ZNF431: variants seen among roughly 807,000 people sequenced by gnomAD.
ZNF431 encodes zinc finger protein 431.
In ZNF431, 34 loss-of-function variants were observed where a neutral mutation model predicts 57.0. The ratio of observed to expected loss-of-function variants is 0.60; its 90% CI spans 0.45 to 0.79. ZNF431 has a LOEUF of 0.79. Among genes scored for constraint, ZNF431 ranks in the 30% least tolerant of loss-of-function variants. ZNF431 has a pLI of 0.00. For missense variants in ZNF431, 607 were observed against 667.1 expected, an observed-to-expected ratio of 0.91 and a Z score of 0.99; for synonymous variants, 207 against 220.3, an observed-to-expected ratio of 0.94 and a Z score of 0.54.
chr19:21,154,867 G>A (rs1350013202), intron 2 of ZNF431, among the ~76,000 whole-genome samples: 1 of 115,014 alleles, frequency 8.7e-6, no homozygotes. Flanking sequence ...TGATGGGGTT[G>A]TTTGTTTTTT....
chr19:21,166,825 T>C (rs555250003), intron 3 of ZNF431, among the ~76,000 whole-genome samples: 89 of 152,352 alleles, frequency 5.8e-4, no homozygotes, highest in Non-Finnish European at 1.0e-3. Context: ...TAGTTAGAGA[T>C]GTCTCTCTTT....
Position 21,185,508 on chromosome 19 carries a change from T to G in ZNF431, c.*1474T>G, listed in dbSNP as rs2145061252. 6.6e-6 allele frequency: 1 copy of G among 152,420 alleles called. No homozygotes were observed. The highest frequency in any genetic ancestry group is 2.1e-4 in the South Asian group (1 of 4,834). The allele number at this position is 152,420 out of a possible 1,614,324, so 9.4% of individuals were successfully genotyped here. A position where few individuals can be genotyped will look rare whatever the true frequency, so the allele number is the denominator to read the frequency against. On this transcript the variant is annotated 3_prime_UTR_variant, in exon 5 of 5. Coordinates refer to ENST00000311048, the MANE Select transcript of ZNF431 (RefSeq NM_133473.4). ...CTGAGTTTCACTCTTTCGCCCAGGC[T>G]GGAGTGCATTGGCATGATCTCAGCT...
At chr19:21,146,137 A>G (rs1970087254) in intron 2 of ZNF431, among the ~76,000 whole-genome samples, 1 of 152,172 alleles carries the variant, frequency 6.6e-6, no homozygotes, top group African/African-American at 2.4e-5. Flanking sequence ...TTGCTCAAGA[A>G]AAAATTCAGG....
chr19:21,165,375 A>G (rs1233517361), intron 2 of ZNF431, among the ~76,000 whole-genome samples: 1 of 152,084 alleles, frequency 6.6e-6, no homozygotes, highest in Non-Finnish European at 1.5e-5. Context: ...AGTGCTAAAG[A>G]AAGACTACTT....
intron 2 of ZNF431, among the ~76,000 whole-genome samples, chr19:21,159,767 G>A (rs1970521941): frequency 6.6e-6 from 1 of 152,102 alleles, no homozygotes; most frequent in South Asian, 2.1e-4. Flanking sequence ...TGTACATCAG[G>A]TAGAATTCAC....
At chr19:21,146,409 G>A (rs1599572841) in intron 2 of ZNF431, among the ~76,000 whole-genome samples, 4 of 108,722 alleles carry the variant, frequency 3.7e-5, no homozygotes, top group African/African-American at 6.9e-5. Flanking sequence ...CACTCTGTCT[G>A]AAAAAAAAAA....
chr19:21,157,446 C>G (rs892336535), intron 2 of ZNF431, among the ~76,000 whole-genome samples: 12 of 152,078 alleles, frequency 7.9e-5, no homozygotes, highest in Admixed American at 7.9e-4. Context: ...TTGCATTTCT[C>G]TAGTGATTAG....
At chr19:21,148,031 C>T (rs1463122699) in intron 2 of ZNF431, among the ~76,000 whole-genome samples, 1 of 151,714 alleles carries the variant, frequency 6.6e-6, no homozygotes, top group Admixed American at 6.6e-5. Context: ...AGTCTCGCCC[C>T]GTTGCCTAGG....
In ZNF431 at chr19:21,188,270, A is replaced by AAG. The variant is rs1971426080; in HGVS notation, c.*4237_*4238insGA. 1 of 151,434 alleles carries AAG rather than the reference A, an allele frequency of 6.6e-6. No individual in the cohort carries two copies. The highest frequency in any genetic ancestry group is 2.4e-5 in the African/African-American group (1 of 41,346). 9.4% of individuals were successfully genotyped at this position (151,434 alleles called of 1,614,324 possible). A position where few individuals can be genotyped will look rare whatever the true frequency, so the allele number is the denominator to read the frequency against. ...CGAAATTCTGTCTAAAAAAAAAAAA[A>AAG]AAAGATAAAAGGTGCAATACTGTCC... On this transcript the variant is annotated 3_prime_UTR_variant, in exon 5 of 5. Transcript: ENST00000311048.
intron 2 of ZNF431, among the ~76,000 whole-genome samples, chr19:21,159,017 T>C (rs1970500920): frequency 6.6e-6 from 1 of 152,250 alleles, no homozygotes; most frequent in South Asian, 2.1e-4. Context: ...TTGAGGGTTT[T>C]AAGCATGAAG....
chr19:21,175,035 G>T (rs189234481), intron 4 of ZNF431, among the ~76,000 whole-genome samples: 133 of 151,746 alleles, frequency 8.8e-4, no homozygotes, highest in African/African-American at 2.9e-3. Flanking sequence ...GGGATTACAG[G>T]CATGAGCCGC....
At chr19:21,154,129 C>T (rs540205279) in intron 2 of ZNF431, among the ~76,000 whole-genome samples, 2 of 152,220 alleles carry the variant, frequency 1.3e-5, no homozygotes, top group South Asian at 2.1e-4. Flanking sequence ...CCCATTAACT[C>T]GTCATTTAAC....
At chr19:21,176,058 T>G (rs1971042961) in intron 4 of ZNF431, among the ~76,000 whole-genome samples, 1 of 152,220 alleles carries the variant, frequency 6.6e-6, no homozygotes, top group Non-Finnish European at 1.5e-5. Flanking sequence ...TAACAGTATT[T>G]CTATTTCTCC....
intron 4 of ZNF431, among the ~76,000 whole-genome samples, chr19:21,167,915 A>G (rs1451160173): frequency 1.3e-5 from 2 of 152,194 alleles, no homozygotes; most frequent in Non-Finnish European, 2.9e-5. Context: ...GAGCCAAAGC[A>G]TATTGTCATA....
chr19:21,153,101 CTT>C (rs1970320360), intron 2 of ZNF431, among the ~76,000 whole-genome samples: 1 of 152,214 alleles, frequency 6.6e-6, no homozygotes, highest in African/African-American at 2.4e-5. Flanking sequence ...TTTAAGATAA[CTT>C]CCAGACATTG....
chr19:21,147,452 T>G (rs1182312113), intron 2 of ZNF431, among the ~76,000 whole-genome samples: 5 of 151,846 alleles, frequency 3.3e-5, no homozygotes. Context: ...ATTGCATCAT[T>G]ACACTCCAGC....
At chr19:21,158,640 T>C (rs750120594) in intron 2 of ZNF431, among the ~76,000 whole-genome samples, 65 of 152,314 alleles carry the variant, frequency 4.3e-4, no homozygotes, top group Admixed American at 7.8e-4. Context: ...TTGGCTTGGA[T>C]GTTGTTGATG....
At chr19:21,173,184 A>T (rs1970956174) in intron 4 of ZNF431, among the ~76,000 whole-genome samples, 1 of 152,144 alleles carries the variant, frequency 6.6e-6, no homozygotes, top group Admixed American at 6.5e-5. Context: ...TGTGTTTATA[A>T]ATTAAGAGAC....
intron 2 of ZNF431, among the ~76,000 whole-genome samples, chr19:21,148,142 A>G (rs1331887938): frequency 6.6e-6 from 1 of 151,930 alleles, no homozygotes; most frequent in African/African-American, 2.4e-5. Context: ...TTACAGGTGC[A>G]CACCACCATA....
Sources: allele counts gnomAD v4.1 joint callset (sites outside exome capture counted in the v4.1 genomes callset), GRCh38; gene constraint gnomAD v4.1.1; transcripts MANE v1.5; gene names NCBI Gene and HGNC (gene_info 2026-07-23, HGNC 2026-07-21).